PPP5C: variants seen among roughly 807,000 people sequenced by gnomAD.
PPP5C encodes the protein protein phosphatase 5 catalytic subunit, also known as serine/threonine-protein phosphatase 5.
Under a neutral mutation model 66.7 loss-of-function variants are expected in PPP5C, and 21 were observed. The ratio of observed to expected loss-of-function variants is 0.31; its 90% CI spans 0.22 to 0.45. The LOEUF (loss-of-function observed/expected upper bound fraction) is 0.45, where lower values mean the gene tolerates loss of function less well. Ranked by LOEUF, PPP5C falls within the 20% of genes least tolerant of loss-of-function variation. The probability of loss-of-function intolerance (pLI) is 1.00; values close to 1 mark genes in which losing one functional copy is unlikely to be tolerated. For missense variants in PPP5C, 464 were observed against 675.9 expected, an observed-to-expected ratio of 0.69 and a Z score of 3.48; for synonymous variants, 246 against 257.4, an observed-to-expected ratio of 0.96 and a Z score of 0.43.
At chr19:46,354,045 G>C in intron 2 of PPP5C, 56 bp downstream of exon 2, 1 of 1,585,070 alleles carries the variant, frequency 6.3e-7, no homozygotes, top group Admixed American at 1.8e-5. Context: ...ACTGAGGGCT[G>C]GGCTGGCGGG....
intron 2 of PPP5C, among the ~76,000 whole-genome samples, chr19:46,372,548 C>T (rs1241031540): frequency 6.6e-6 from 1 of 152,194 alleles, no homozygotes; most frequent in Non-Finnish European, 1.5e-5. Flanking sequence ...CCAAAAAATT[C>T]CCAATCCCCA....
rs746840171 is a variant in PPP5C at position 46,388,361 on chromosome 19, C to A, written c.1136-47C>A. The A allele has an allele frequency of 5.7e-6, 9 of 1,578,018 alleles. No homozygotes were observed. The African/African-American group carries it at 6.7e-5, about 12-fold the overall frequency. ...AGGAGGTGGCCTGTGAGTGACCACCCCCGGGGAGGTGGACGAGTCCCTAAT... is the reference window on the plus strand; with the variant it reads ...AGGAGGTGGCCTGTGAGTGACCACCACCGGGGAGGTGGACGAGTCCCTAAT... On this transcript the variant is annotated intron_variant, in intron 9 of 12. Transcript: ENST00000012443. This position sits in a 1 kb window ranked among gnomAD's most constrained non-coding sequence, Gnocchi z 4.9.
chr19:46,352,047 C>T (rs1367037228), intron 1 of PPP5C, among the ~76,000 whole-genome samples: 1 of 152,208 alleles, frequency 6.6e-6, no homozygotes, highest in East Asian at 1.9e-4. Flanking sequence ...TCTCTGCATC[C>T]CTCCTTCCTT....
chr19:46,388,283 C>T lies in PPP5C; in HGVS notation c.1136-125C>T, dbSNP rs1044927170. 25 of 1,036,686 alleles carry T rather than the reference C, an allele frequency of 2.4e-5. No homozygotes were observed. Among genetic ancestry groups the T allele is most frequent in the Middle Eastern group, 6.5e-4 (2 of 3,100 alleles). 64.2% of individuals were successfully genotyped at this position (1,036,686 alleles called of 1,614,324 possible). A position where few individuals can be genotyped will look rare whatever the true frequency, so the allele number is the denominator to read the frequency against. On this transcript the variant is annotated intron_variant, in intron 9 of 12. Coordinates refer to ENST00000012443, the MANE Select transcript of PPP5C (RefSeq NM_006247.4). This position sits in a 1 kb window ranked among gnomAD's most constrained non-coding sequence, Gnocchi z 4.9. ...AATGTCCATGTCCATGCTGGATGTC[C>T]CCTGCCCAACACCCACCCAGGCTGG...
intron 1 of PPP5C, among the ~76,000 whole-genome samples, chr19:46,350,946 G>A (rs559501552): frequency 5.3e-5 from 8 of 152,290 alleles, no homozygotes; most frequent in African/African-American, 1.4e-4. Flanking sequence ...GTGGCTGGTT[G>A]CTCTGTAAGT....
chr19:46,373,852 C>T (rs1360079467), intron 2 of PPP5C, among the ~76,000 whole-genome samples: 1 of 152,126 alleles, frequency 6.6e-6, no homozygotes, highest in East Asian at 1.9e-4. Flanking sequence ...GAGGAGGGAT[C>T]AGTGGGGCTG....
intron 4 of PPP5C, among the ~76,000 whole-genome samples, chr19:46,380,970 C>G (rs918430303): frequency 6.6e-6 from 1 of 152,200 alleles, no homozygotes; most frequent in Non-Finnish European, 1.5e-5. Context: ...CTGCTCTCCT[C>G]TCCGTCTGGA....
chr19:46,358,209 TC>T (rs1411440744), intron 2 of PPP5C, among the ~76,000 whole-genome samples: 6 of 152,184 alleles, frequency 3.9e-5, no homozygotes, highest in African/African-American at 1.4e-4. Flanking sequence ...CAAACACAGT[TC>T]CCTCATATCC....
chr19:46,364,965 G>T (rs1450297904), intron 2 of PPP5C, among the ~76,000 whole-genome samples: 1 of 152,088 alleles, frequency 6.6e-6, no homozygotes. Context: ...CAGTTTCAAT[G>T]AGCAGTTTCC....
chr19:46,349,116 A>G (rs146473692), intron 1 of PPP5C, among the ~76,000 whole-genome samples: 1,684 of 152,254 alleles, frequency 0.011, 24 homozygotes, highest in African/African-American at 0.038. Flanking sequence ...CCTGGCCAAC[A>G]TGGTGAAACG....
intron 2 of PPP5C, among the ~76,000 whole-genome samples, chr19:46,374,481 C>T (rs769142601): frequency 1.4e-4 from 21 of 152,176 alleles, no homozygotes; most frequent in African/African-American, 4.6e-4. Flanking sequence ...GTCACTTGCC[C>T]AAAGTCACAT....
chr19:46,347,995 A>T (rs1038700476), intron 1 of PPP5C, among the ~76,000 whole-genome samples: 3 of 151,862 alleles, frequency 2.0e-5, no homozygotes, highest in Non-Finnish European at 2.9e-5. Context: ...TTAAATTGTG[A>T]TGAGTGCTTT....
At chr19:46,379,219 A>G (rs1972748501) in intron 4 of PPP5C, among the ~76,000 whole-genome samples, 1 of 152,032 alleles carries the variant, frequency 6.6e-6, no homozygotes. Flanking sequence ...ATGCCCAGCT[A>G]ACTTCTGTAT....
Position 46,369,886 on chromosome 19 carries a change from A to G in PPP5C, c.364-5718A>G, listed in dbSNP as rs1247859086. Among the ~76,000 whole-genome samples the G allele has an allele frequency of 2.8e-5, 4 of 142,250 alleles. No individual in the cohort carries two copies. In the East Asian group the frequency reaches 8.7e-4, roughly 31 times the overall value. The allele number at this position is 142,250 out of a possible 152,430, so 93.3% of individuals were successfully genotyped here. ...GGTTACAGTGAGCCGAGATCAAGCC[A>G]TTGCACTCCAGCCTGGGCAGCAGAG... On this transcript the variant is annotated intron_variant, in intron 2 of 12. Coordinates refer to ENST00000012443, the MANE Select transcript of PPP5C (RefSeq NM_006247.4).
chr19:46,365,128 A>G (rs62136106), intron 2 of PPP5C, among the ~76,000 whole-genome samples: 32,614 of 152,008 alleles, frequency 0.21, 4,170 homozygotes, highest in Non-Finnish European at 0.3. Context: ...GATTACAGGC[A>G]TGAGCCACCA....
Position 46,387,246 on chromosome 19 carries a change from C to A in PPP5C, c.1047+11C>A. On this transcript the variant is annotated intron_variant, in intron 8 of 12. Coordinates refer to ENST00000012443, the MANE Select transcript of PPP5C (RefSeq NM_006247.4). ...AACGGCAAAGTGCTGGTGAGGACGG[C>A]GCGAGCCCTGAGTGTGGGTTCCCCA... is the stretch of plus-strand genomic sequence containing the variant. 1 of 1,614,110 alleles carries A rather than the reference C, an allele frequency of 6.2e-7. No individual in the cohort carries two copies. Among genetic ancestry groups the A allele is most frequent in the Non-Finnish European group, 8.5e-7 (1 of 1,180,002 alleles).
intron 1 of PPP5C, among the ~76,000 whole-genome samples, 181 bp downstream of exon 1, chr19:46,347,398 T>A (rs549658212): frequency 6.6e-6 from 1 of 152,078 alleles, no homozygotes; most frequent in Admixed American, 6.5e-5. Context: ...CGGAGAGTGA[T>A]ACCTAGGAGT....
chr19:46,352,382 C>A (rs967888782), intron 1 of PPP5C, among the ~76,000 whole-genome samples: 47 of 152,200 alleles, frequency 3.1e-4, no homozygotes, highest in Admixed American at 7.9e-4. Flanking sequence ...CAGGGATACC[C>A]AGGTAGTAAG....
Position 46,390,677 on chromosome 19 carries a change from T to C in PPP5C, c.*331T>C. On this transcript the variant is annotated 3_prime_UTR_variant, in exon 13 of 13. Transcript: ENST00000012443. ...CTCATTTGCATGGCTCCTCCCCCAC[T>C]CAAGCAATAGGGCCCCGCCATAGGA... 6 of 1,229,332 alleles carry C rather than the reference T, an allele frequency of 4.9e-6. No individual in the cohort carries two copies. The highest frequency in any genetic ancestry group is 6.2e-6 in the Non-Finnish European group (6 of 970,708). 76.2% of individuals were successfully genotyped at this position (1,229,332 alleles called of 1,614,324 possible). A position where few individuals can be genotyped will look rare whatever the true frequency, so the allele number is the denominator to read the frequency against.
Sources: gnomAD v4.1 joint callset for allele counts (sites outside exome capture counted in the v4.1 genomes callset) on GRCh38, gnomAD v4.1.1 for gene constraint, Gnocchi (gnomAD v3.1) non-coding constraint, MANE v1.5 for transcripts, NCBI Gene and HGNC (gene_info 2026-07-23, HGNC 2026-07-21) for gene names.